Variants in GNPAT observed in about 807,000 individuals in gnomAD.
GNPAT encodes glyceronephosphate O-acyltransferase.
Under a neutral mutation model 78.4 loss-of-function variants are expected in GNPAT, and 30 were observed. The observed-to-expected ratio is 0.38, with a 90% confidence interval of 0.29 to 0.52. GNPAT has a LOEUF of 0.52. GNPAT is among the 20% of genes least tolerant of loss of function. The pLI, the probability that GNPAT is intolerant of heterozygous loss-of-function variation, is 0.84. For missense variants in GNPAT, 714 were observed against 812.2 expected (o/e 0.88, Z 1.47); for synonymous variants, 271 against 281.1 (o/e 0.96, Z 0.36).
intron 12 of GNPAT, chr1:231,274,889 CAA>C (rs1244030144): frequency 1.2e-4 from 36 of 303,966 alleles, no homozygotes; most frequent in Non-Finnish European, 8.8e-5. Context: ...AGAAAAAAAG[CAA>C]AGTTATTAAA....
intron 4 of GNPAT, among the ~76,000 whole-genome samples, 175 bp from the exon 5 acceptor site, chr1:231,265,118 C>T (rs1039374288): frequency 1.3e-5 from 2 of 152,010 alleles, no homozygotes; most frequent in Non-Finnish European, 1.5e-5. Flanking sequence ...TTTGGGAGGC[C>T]GAGGCAGGAG....
chr1:231,254,445 ATTT>A (rs111365526), intron 2 of GNPAT, among the ~76,000 whole-genome samples: 2 of 145,700 alleles, frequency 1.4e-5, no homozygotes, highest in Non-Finnish European at 3.0e-5. Context: ...ACAGTGAAAA[ATTT>A]TTTTTTTTTT....
rs533748520 is a variant in GNPAT at position 231,251,249 on chromosome 1, T to G, written c.261+106T>G. The G allele has an allele frequency of 5.0e-5, 34 of 684,988 alleles. 1 individual carries two copies. The highest frequency in any genetic ancestry group is 2.0e-4 in the Admixed American group (8 of 40,646). 42.4% of individuals were successfully genotyped at this position (684,988 alleles called of 1,614,324 possible). The stretch of plus-strand genomic sequence containing the variant: ...TAATATATCCTTTTAGGCTGAGCTG[T>G]ATTCATCACATTTATCAAATAATTA... On this transcript the variant is annotated intron_variant, in intron 2 of 15. Coordinates refer to ENST00000366647, the MANE Select transcript of GNPAT (RefSeq NM_014236.4).
intron 3 of GNPAT, among the ~76,000 whole-genome samples, chr1:231,261,685 G>A (rs1685228852): frequency 6.6e-6 from 1 of 152,222 alleles, no homozygotes; most frequent in African/African-American, 2.4e-5. Flanking sequence ...TGCACCCACT[G>A]ATGATTTTTG....
intron 1 of GNPAT, among the ~76,000 whole-genome samples, chr1:231,248,573 A>T (rs1684811519): frequency 6.6e-6 from 1 of 152,136 alleles, no homozygotes; most frequent in African/African-American, 2.4e-5. Context: ...TATTGAAAAA[A>T]AAAAAAACTT....
intron 1 of GNPAT, among the ~76,000 whole-genome samples, chr1:231,242,565 A>G (rs957388602): frequency 6.6e-6 from 1 of 152,174 alleles, no homozygotes; most frequent in Non-Finnish European, 1.5e-5. Flanking sequence ...CATTGATCTT[A>G]TCTTCCCCAC....
chr1:231,251,041 A>G lies in GNPAT; in HGVS notation c.159A>G (p.Lys53=), dbSNP rs1334161963. 5 of 1,599,972 alleles carry G rather than the reference A, an allele frequency of 3.1e-6. No individual in the cohort carries two copies. Among genetic ancestry groups the G allele is most frequent in the South Asian group, 1.1e-5 (1 of 90,770 alleles). ...TCAGTGACTTGAAATTTGCAATGAAATGCTACACACCTCTTGTCTATAAGG... is the reference window on the plus strand; with the variant it reads ...TCAGTGACTTGAAATTTGCAATGAAGTGCTACACACCTCTTGTCTATAAGG... ...RHVSDLKFAM[K]CYTPLVYKGI... Residue 53 remains lysine, a synonymous_variant, in exon 2 of 16, where the codon AAA becomes AAG. Coordinates refer to ENST00000366647, the MANE Select transcript of GNPAT (RefSeq NM_014236.4).
intron 2 of GNPAT, among the ~76,000 whole-genome samples, chr1:231,256,790 T>G (rs1685081866): frequency 6.6e-6 from 1 of 152,188 alleles, no homozygotes; most frequent in Non-Finnish European, 1.5e-5. Context: ...CCGGCCAATT[T>G]TCTCTGTTAA....
chr1:231,249,857 A>T (rs937939145), intron 1 of GNPAT, among the ~76,000 whole-genome samples: 1 of 152,174 alleles, frequency 6.6e-6, no homozygotes, highest in Non-Finnish European at 1.5e-5. Context: ...CTTTTTAAAA[A>T]ATTAACAAAT....
chr1:231,261,084 T>C (rs1458898134), intron 3 of GNPAT, among the ~76,000 whole-genome samples: 1 of 152,214 alleles, frequency 6.6e-6, no homozygotes, highest in East Asian at 1.9e-4. Flanking sequence ...TTCCTATAAT[T>C]AAGGGCATTA....
rs1190410012 is a variant in GNPAT, at chr1:231,262,765, A to T, written c.481A>T (p.Ser161Cys). ...GGAGCATCCTGTTGTTCTGCTGCCTAGTCATCGAAGTTACATTGACTTCCT... is the reference window on the plus strand; with the variant it reads ...GGAGCATCCTGTTGTTCTGCTGCCTTGTCATCGAAGTTACATTGACTTCCT... Reference protein sequence around the residue: ...IQEHPVVLLPSHRSYIDFLML... With the variant: ...IQEHPVVLLPCHRSYIDFLML... Residue 161 changes from serine (S) to cysteine (C), a missense_variant, in exon 4 of 16, where the codon AGT (serine) becomes TGT (cysteine). Ser to Cys is a moderately radical substitution (Grantham distance 112). Transcript: ENST00000366647. The T allele has an allele frequency of 1.7e-5, 27 of 1,606,788 alleles. No individual in the cohort carries two copies. Among genetic ancestry groups the T allele is most frequent in the Non-Finnish European group, 2.3e-5 (27 of 1,173,342 alleles).
chr1:231,241,390 C>T lies in GNPAT; in HGVS notation c.12C>T (p.Ser4=). ...AAGGCAGCCGCACCATGGAGTCTTC[C>T]AGTTCATCTAACTCTTATTTCTCCG... MES[S]SSSNSYFSVG... Residue 4 remains serine (S), a synonymous_variant, in exon 1 of 16, where the codon TCC becomes TCT. Transcript: ENST00000366647. 2 of 1,613,436 alleles carry T rather than the reference C, an allele frequency of 1.2e-6. No homozygotes were observed. The highest frequency in any genetic ancestry group is 1.7e-6 in the Non-Finnish European group (2 of 1,179,356).
At chr1:231,262,307 T>C (rs987971495) in intron 3 of GNPAT, among the ~76,000 whole-genome samples, 1 of 152,232 alleles carries the variant, frequency 6.6e-6, no homozygotes, top group African/African-American at 2.4e-5. Context: ...TAAGTCAGAC[T>C]GACTTGGGTT....
In GNPAT at chr1:231,241,333, G is replaced by A. The variant is rs200639005; in HGVS notation, c.-46G>A. The A allele has an allele frequency of 5.2e-5, 79 of 1,526,562 alleles. No homozygotes were observed. The East Asian group carries it at 1.7e-3, about 33-fold the overall frequency. The allele number at this position is 1,526,562 out of a possible 1,614,324, so 94.6% of individuals were successfully genotyped here. On this transcript the variant is annotated 5_prime_UTR_variant, in exon 1 of 16. Transcript: ENST00000366647. ...CCGCCCCCAGCAGGAGCACCACCACGGCTTAGCAAAGAATCCCAGACCCCG... is the reference window on the plus strand; with the variant it reads ...CCGCCCCCAGCAGGAGCACCACCACAGCTTAGCAAAGAATCCCAGACCCCG...
At chr1:231,255,801 C>A (rs774147369) in intron 2 of GNPAT, among the ~76,000 whole-genome samples, 3 of 152,194 alleles carry the variant, frequency 2.0e-5, no homozygotes, top group Non-Finnish European at 4.4e-5. Flanking sequence ...ACTCAACTTG[C>A]TGGAATCCAG....
rs1047130952 is a variant in GNPAT, at chr1:231,261,303, C to A, written c.438+620C>A. ...AGACTCTTTTAATCTAAAATAATTC[C>A]TTAGTATCTGTATTTGTGTTTCATG... On this transcript the variant is annotated intron_variant, in intron 3 of 15. Coordinates refer to ENST00000366647, the MANE Select transcript of GNPAT (RefSeq NM_014236.4). Among the ~76,000 whole-genome samples the A allele has an allele frequency of 6.6e-5, 10 of 152,032 alleles. No individual in the cohort carries two copies. The South Asian group carries it at 1.0e-3, about 16-fold the overall frequency.
intron 9 of GNPAT, among the ~76,000 whole-genome samples, chr1:231,270,353 A>G (rs1685525076): frequency 6.6e-6 from 1 of 152,160 alleles, no homozygotes; most frequent in South Asian, 2.1e-4. Context: ...GTATTCATAC[A>G]CTAATCATGG....
chr1:231,265,608 T>C, intron 5 of GNPAT, 104 bp from the exon 6 acceptor site: 1 of 894,110 alleles, frequency 1.1e-6, no homozygotes, highest in Non-Finnish European at 1.9e-6. Flanking sequence ...GCTGTGTTTG[T>C]TCAGGAAGCT....
chr1:231,259,816 T>C (rs928311844), intron 2 of GNPAT, among the ~76,000 whole-genome samples: 12 of 152,216 alleles, frequency 7.9e-5, no homozygotes, highest in African/African-American at 2.9e-4. Flanking sequence ...TAAGGATTAC[T>C]TATCCTACAG....
Sources: allele counts gnomAD v4.1 joint callset (sites outside exome capture counted in the v4.1 genomes callset), GRCh38; gene constraint gnomAD v4.1.1; transcripts MANE v1.5; gene names NCBI Gene and HGNC (gene_info 2026-07-23, HGNC 2026-07-21).